The following SNED1 variants were observed in gnomAD, a reference collection of about 807,000 sequenced individuals.
SNED1 encodes the protein sushi, nidogen and EGF-like domain-containing protein 1.
Under a neutral mutation model 166.7 loss-of-function variants are expected in SNED1, and 81 were observed. The observed-to-expected ratio is 0.49, with a 90% CI of 0.41 to 0.58. The LOEUF (loss-of-function observed/expected upper bound fraction) is 0.58, where lower values mean the gene tolerates loss of function less well. Ranked by LOEUF, SNED1 falls within the 20% of genes least tolerant of loss-of-function variation. The pLI, the probability that SNED1 is intolerant of heterozygous loss-of-function variation, is 0.00. For missense variants in SNED1, 1,604 were observed against 2,000.2 expected (o/e 0.80, Z 3.78); for synonymous variants, 762 against 822.0 (o/e 0.93, Z 1.25).
At position 241,014,452 on chromosome 2, in the gene SNED1, G is replaced by A. The variant is rs149858853; in HGVS notation, c.213+15402G>A. ...TGCCCAGGGCCACACCCCGGCCGAC[G>A]CTTCTGCAAATGGAGCAGCTACATG... On this transcript the variant is annotated intron_variant, in intron 1 of 31. Transcript: ENST00000310397. Among the ~76,000 whole-genome samples the A allele has an allele frequency of 3.6e-3, 547 of 152,292 alleles. 3 individuals carry two copies. The highest frequency in any genetic ancestry group is 0.012 in the African/African-American group (505 of 41,542).
chr2:241,088,111 T>C, intron 30 of SNED1: 2 of 503,000 alleles, frequency 4.0e-6, no homozygotes, highest in East Asian at 6.9e-5. Flanking sequence ...CCCACGTCCA[T>C]CCTCTCTCTC....
chr2:241,024,470 A>C (rs1298306886), intron 1 of SNED1, among the ~76,000 whole-genome samples: 1 of 149,994 alleles, frequency 6.7e-6, no homozygotes, highest in African/African-American at 2.5e-5. Flanking sequence ...GCTGGTCTTG[A>C]ACTCCTGACC....
In SNED1 at chr2:241,064,904, G is replaced by T; in HGVS notation, c.2660G>T (p.Gly887Val). ...GGRGYCLASN[G>V]SHSCTCKVGY... is the part of the protein sequence containing the mutation. ...CGTGGCTATTGCCTGGCCAGCAACG[G>T]CTCCCACAGCTGCACCTGCAAAGTG... Residue 887 changes from glycine to valine, a missense_variant, in exon 20 of 32, where the codon GGC becomes GTC. By Grantham distance (109) the Gly-to-Val change is moderately radical. Transcript: ENST00000310397. This position sits in a 1 kb window ranked among gnomAD's most constrained non-coding sequence, Gnocchi z 7.0. 6.3e-7 allele frequency: 1 copy of T among 1,583,234 alleles called. No individual in the cohort carries two copies. Among genetic ancestry groups the T allele is most frequent in the Non-Finnish European group, 8.5e-7 (1 of 1,171,010 alleles).
chr2:241,090,953 G>A (rs1003891804), intron 31 of SNED1, among the ~76,000 whole-genome samples: 13 of 151,866 alleles, frequency 8.6e-5, no homozygotes, highest in South Asian at 2.1e-4. Flanking sequence ...ACTGTCATGC[G>A]CGCGGTCCTT....
chr2:241,049,233 C>A (rs1003648117), intron 11 of SNED1, 98 bp downstream of exon 11: 32 of 873,514 alleles, frequency 3.7e-5, no homozygotes, highest in Non-Finnish European at 5.7e-5. Context: ...GTCCCTACTT[C>A]CCTTCTGACT....
intron 16 of SNED1, among the ~76,000 whole-genome samples, chr2:241,056,260 C>T (rs1423346421): frequency 1.3e-5 from 2 of 151,860 alleles, no homozygotes; most frequent in African/African-American, 4.8e-5. Flanking sequence ...AAAATATATC[C>T]GAAATGAATA....
intron 24 of SNED1, 129 bp from the exon 25 acceptor site, chr2:241,071,447 C>G: frequency 1.8e-6 from 2 of 1,093,322 alleles, no homozygotes; most frequent in Non-Finnish European, 2.6e-6. Context: ...ATGACCACGG[C>G]CCACGCACAT....
rs901550178 is a variant in SNED1, at chr2:241,075,173, G to A, written c.3916+1809G>A. The A allele has an allele frequency of 1.3e-5, 2 of 152,178 alleles. No individual in the cohort carries two copies. Among genetic ancestry groups the A allele is most frequent in the South Asian group, 4.1e-4 (2 of 4,826 alleles). 9.4% of individuals were successfully genotyped at this position (152,178 alleles called of 1,614,324 possible). ...CCCTCTCTGTGCAGAGAACATGTAG[G>A]TTGTGTTTGGTATGAGCAGTGCTGC... On this transcript the variant is annotated intron_variant, in intron 27 of 31. Transcript: ENST00000310397. The surrounding 1 kb of genome is among the most constrained non-coding windows in gnomAD (Gnocchi z 4.8).
In SNED1 at chr2:241,068,590, G is replaced by A. The variant is rs1450466486; in HGVS notation, c.3195-321G>A. Among the ~76,000 whole-genome samples, 1 of 152,036 alleles carries A rather than the reference G, an allele frequency of 6.6e-6. No homozygotes were observed. The highest frequency in any genetic ancestry group is 1.5e-5 in the Non-Finnish European group (1 of 68,006). The stretch of plus-strand genomic sequence containing the variant: ...TTACATCAACTCACCTGTGCTGAGG[G>A]CCCGTCCCCCATCCCTGCACAGTGA... On this transcript the variant is annotated intron_variant, in intron 22 of 31. Coordinates refer to ENST00000310397, the MANE Select transcript of SNED1 (RefSeq NM_001080437.3). This position sits in a 1 kb window ranked among gnomAD's most constrained non-coding sequence, Gnocchi z 5.3.
intron 6 of SNED1, among the ~76,000 whole-genome samples, chr2:241,039,040 G>A (rs1329659883): frequency 1.2e-4 from 18 of 152,176 alleles, no homozygotes; most frequent in Admixed American, 4.6e-4. Context: ...GTGTGGCCTC[G>A]GACCGTGAGC....
chr2:241,062,254 C>T (rs1245961661), intron 16 of SNED1, among the ~76,000 whole-genome samples: 1 of 152,222 alleles, frequency 6.6e-6, no homozygotes, highest in African/African-American at 2.4e-5. Context: ...ATTCAGCATT[C>T]TGGCTGCCGG....
intron 1 of SNED1, among the ~76,000 whole-genome samples, chr2:241,029,916 C>T (rs1011488049): frequency 2.0e-5 from 3 of 152,256 alleles, no homozygotes; most frequent in Admixed American, 6.5e-5. Context: ...CGGCCCCAGC[C>T]GGAGCAGAGC....
At position 241,065,369 on chromosome 2, in the gene SNED1, G is replaced by C; in HGVS notation, c.2784G>C (p.Pro928=). 1 of 1,613,046 alleles carries C rather than the reference G, an allele frequency of 6.2e-7. No homozygotes were observed. Among genetic ancestry groups the C allele is most frequent in the South Asian group, 1.1e-5 (1 of 91,068 alleles). Residue 928 remains proline (P), a synonymous_variant, in exon 21 of 32, where the codon CCG becomes CCC. Coordinates refer to ENST00000310397, the MANE Select transcript of SNED1 (RefSeq NM_001080437.3). ...GTGGGGTCTCTATCTCCTGGAACCC[G>C]CCCAATGGTCCAGCCGCCAGGCAGA... The part of the protein sequence containing the change: ...EESGVSISWN[P]PNGPAARQML...
chr2:241,073,716 T>G lies in SNED1; in HGVS notation c.3916+352T>G. 2.3e-6 allele frequency: 1 copy of G among 431,982 alleles called. No homozygotes were observed. Among genetic ancestry groups the G allele is most frequent in the Non-Finnish European group, 4.1e-6 (1 of 243,542 alleles). 26.8% of individuals were successfully genotyped at this position (431,982 alleles called of 1,614,324 possible). On this transcript the variant is annotated intron_variant, in intron 27 of 31. Coordinates refer to ENST00000310397, the MANE Select transcript of SNED1 (RefSeq NM_001080437.3). This position sits in a 1 kb window ranked among gnomAD's most constrained non-coding sequence, Gnocchi z 6.6. Reference sequence around the variant, plus strand: ...TGCCTCTGGGCCCCTCACCCCTCACTTCTCCAAAGAGGAGCAGGCGGAGTC... The same window carrying G: ...TGCCTCTGGGCCCCTCACCCCTCACGTCTCCAAAGAGGAGCAGGCGGAGTC...
intron 8 of SNED1, among the ~76,000 whole-genome samples, chr2:241,047,689 A>AGGCCCCT (rs1251255824): frequency 1.3e-5 from 2 of 152,358 alleles, no homozygotes; most frequent in African/African-American, 2.4e-5. Context: ...AAACGTTTGG[A>AGGCCCCT]GGCCCCTGGC....
intron 26 of SNED1, 106 bp downstream of exon 26, chr2:241,071,984 C>A: frequency 1.0e-6 from 1 of 998,298 alleles, no homozygotes; most frequent in Non-Finnish European, 1.5e-6. Context: ...CCACCGCCAG[C>A]GCAGTCTCCA....
At chr2:241,060,984 T>C (rs1460455406) in intron 16 of SNED1, among the ~76,000 whole-genome samples, 2 of 151,842 alleles carry the variant, frequency 1.3e-5, no homozygotes, top group Non-Finnish European at 2.9e-5. Context: ...TATAGGTAAA[T>C]ATATTTTTGA....
At chr2:241,058,515 T>C (rs974532394) in intron 16 of SNED1, among the ~76,000 whole-genome samples, 5 of 152,216 alleles carry the variant, frequency 3.3e-5, no homozygotes, top group Non-Finnish European at 5.9e-5. Context: ...AAAAGCCTAA[T>C]GTAACATGTT....
intron 24 of SNED1, 66 bp downstream of exon 24, chr2:241,070,267 C>T: frequency 6.7e-7 from 1 of 1,487,674 alleles, no homozygotes; most frequent in Non-Finnish European, 9.0e-7. Context: ...CTGTTCAGGA[C>T]TGACCTGGCC....
Sources: allele counts gnomAD v4.1 joint callset (sites outside exome capture counted in the v4.1 genomes callset), GRCh38; gene constraint gnomAD v4.1.1; non-coding constraint Gnocchi (gnomAD v3.1); transcripts MANE v1.5; gene names NCBI Gene and HGNC (gene_info 2026-07-23, HGNC 2026-07-21).